ZNF512B: variants seen among roughly 807,000 people sequenced by gnomAD.
ZNF512B encodes the protein zinc finger protein 512B.
In ZNF512B, 22 loss-of-function variants were observed where a neutral mutation model predicts 87.8. That is an observed-to-expected ratio of 0.25 (90% CI 0.18 to 0.36). The LOEUF (loss-of-function observed/expected upper bound fraction) is 0.36. Ranked by LOEUF, ZNF512B falls within the 10% of genes least tolerant of loss-of-function variation. The pLI is 1.00. For synonymous variants in ZNF512B, 524 were observed against 490.9 expected, an observed-to-expected ratio of 1.07 and a Z score of -0.89; for missense variants, 1,060 against 1,231.6, an observed-to-expected ratio of 0.86 and a Z score of 2.09.
chr20:63,967,113 G>A (rs1449564221), intron 3 of ZNF512B, 109 bp from the exon 4 acceptor site: 2 of 1,513,478 alleles, frequency 1.3e-6, no homozygotes, highest in East Asian at 2.3e-5. Context: ...CACACCACAT[G>A]AGCCCCTCAA....
At position 63,959,880 on chromosome 20, in the gene ZNF512B, C is replaced by T; in HGVS notation, c.*8G>A. 6 of 1,567,148 alleles carry T rather than the reference C, an allele frequency of 3.8e-6. No homozygotes were observed. The highest frequency in any genetic ancestry group is 1.2e-5 in the South Asian group (1 of 85,054). ...GGCTGCATGGGGGCCAGGCCCCACGCACCATGCTCACTTTTCAGGCGCCTT... is the reference window on the plus strand; with the variant it reads ...GGCTGCATGGGGGCCAGGCCCCACGTACCATGCTCACTTTTCAGGCGCCTT... On this transcript the variant is annotated 3_prime_UTR_variant, in exon 17 of 17. Coordinates refer to ENST00000369888, the MANE Select transcript of ZNF512B (RefSeq NM_020713.3).
At chr20:63,969,185 C>G (rs2058955976) in intron 1 of ZNF512B, 1 of 985,448 alleles carries the variant, frequency 1.0e-6, no homozygotes, top group Non-Finnish European at 1.2e-6. Context: ...ACCTGATGAC[C>G]CCGGTGGCCT....
At chr20:63,969,132 G>A (rs1045795034) in intron 1 of ZNF512B, 3 of 985,388 alleles carry the variant, frequency 3.0e-6, no homozygotes, top group Admixed American at 1.2e-4. Context: ...TCCTCACTTT[G>A]CAACTTTTGA....
intron 5 of ZNF512B, among the ~76,000 whole-genome samples, chr20:63,965,827 A>G (rs1169072276): frequency 4.9e-5 from 1 of 20,354 alleles, no homozygotes; most frequent in Non-Finnish European, 1.0e-4. Flanking sequence ...ACGAGCCCCC[A>G]TACCTTTTCT....
In ZNF512B at chr20:63,962,556, G is replaced by A. The variant is rs377041477; in HGVS notation, c.2163+31C>T. 212 of 1,590,206 alleles carry A rather than the reference G, an allele frequency of 1.3e-4. No individual in the cohort carries two copies. In the African/African-American group the frequency reaches 1.4e-3, roughly 11 times the overall value. The stretch of plus-strand genomic sequence containing the variant: ...GCATGCCCCACGCAGAGGCCACGGC[G>A]CTGTCCACAGCCCTGGGGGGGGCAG... On this transcript the variant is annotated intron_variant, in intron 13 of 16. Transcript: ENST00000369888.
chr20:63,962,807 TAG>T (rs747839457), intron 12 of ZNF512B, 26 bp from the exon 13 acceptor site: 6 of 1,567,564 alleles, frequency 3.8e-6, no homozygotes, highest in Middle Eastern at 2.0e-4. Flanking sequence ...GCATGGAGGC[TAG>T]AGTGAGCCGC....
intron 2 of ZNF512B, 82 bp from the exon 3 acceptor site, chr20:63,967,605 C>T (rs892154773): frequency 9.8e-5 from 148 of 1,509,820 alleles, no homozygotes; most frequent in East Asian, 1.8e-4. Context: ...CAGTGAGCAC[C>T]GCTGTCCCAA....
At position 63,960,086 on chromosome 20, in the gene ZNF512B, T is replaced by C; in HGVS notation, c.2481A>G (p.Ser827=). Residue 827 remains serine (S), a synonymous_variant, in exon 17 of 17, where the codon TCA becomes TCG. Transcript: ENST00000369888. The stretch of plus-strand genomic sequence containing the variant: ...TCTTCTTTTCCTTCTTGGGCACCAA[T>C]GAGTCCTGGCTCCTGTGTTTGGGAG... The part of the protein sequence containing the change: ...DPPPKHRSQD[S]LVPKKEKKKN... The C allele has an allele frequency of 6.2e-7, 1 of 1,613,982 alleles. No homozygotes were observed.
intron 6 of ZNF512B, 36 bp from the exon 7 acceptor site, chr20:63,964,427 G>A (rs757384056): frequency 1.9e-6 from 3 of 1,613,732 alleles, no homozygotes; most frequent in East Asian, 2.2e-5. Context: ...CCAAGATTCT[G>A]GTGAAATAAC....
Position 63,964,618 on chromosome 20 carries a change from A to G in ZNF512B, c.1133T>C (p.Phe378Ser). 1 of 1,613,066 alleles carries G rather than the reference A, an allele frequency of 6.2e-7. No individual in the cohort carries two copies. Among genetic ancestry groups the G allele is most frequent in the Non-Finnish European group, 8.5e-7 (1 of 1,179,970 alleles). Residue 378 changes from phenylalanine to serine, a missense_variant, in exon 6 of 17, where the codon TTC becomes TCC. By Grantham distance (155) the Phe-to-Ser change is radical. Coordinates refer to ENST00000369888, the MANE Select transcript of ZNF512B (RefSeq NM_020713.3). Reference protein sequence around the residue: ...GPSSMGQSSAFQLSADTSSGS... With the variant: ...GPSSMGQSSASQLSADTSSGS... ...ACTGCTGGTGTCTGCACTCAGCTGG[A>G]AGGCCGAGCTCTGGCCCATGGAGGA...
Position 63,963,094 on chromosome 20 carries a change from C to T in ZNF512B, c.1968+1G>A, listed in dbSNP as rs1182328171. The T allele has an allele frequency of 6.4e-7, 1 of 1,552,762 alleles. No homozygotes were observed. On this transcript the variant is annotated splice_donor_variant, in intron 12 of 16. Coordinates refer to ENST00000369888, the MANE Select transcript of ZNF512B (RefSeq NM_020713.3). LOFTEE classifies it high-confidence loss of function. ...GTGCCACAGAACAGAGAGCCACTCA[C>T]GGGGGCCGTGTGCTCCGAGCGCACG...
In ZNF512B at chr20:63,962,670, G is replaced by T; in HGVS notation, c.2080C>A (p.Leu694Met). The change falls in exon 13 of 17, where the codon CTG becomes ATG. Residue 694 changes from leucine to methionine, a missense_variant. This residue lies in a region of ZNF512B where 14 missense variants were observed against 38.7 expected (regional missense o/e 0.36). Transcript: ENST00000369888. ...RTSAQVAVFH[L>M]QEIAEDELAR... ...AGCTCGTCCTCCGCTATCTCCTGCA[G>T]GTGGAACACCGCCACCTGGGCCGAC... is the stretch of plus-strand genomic sequence containing the variant. The T allele has an allele frequency of 6.2e-7, 1 of 1,606,184 alleles. No individual in the cohort carries two copies.
chr20:63,969,450 C>T lies in ZNF512B; in HGVS notation c.-3+364G>A, dbSNP rs535242741. On this transcript the variant is annotated intron_variant, in intron 1 of 16. Coordinates refer to ENST00000369888, the MANE Select transcript of ZNF512B (RefSeq NM_020713.3). ...GCGTAGGCCGTTCGGCCCGGGACCC[C>T]GGCCCAGGCCTGGCGCGCGGGTGAG... Among the ~76,000 whole-genome samples, 43 of 151,658 alleles carry T rather than the reference C, an allele frequency of 2.8e-4. 1 individual carries two copies. The highest frequency in any genetic ancestry group is 9.6e-4 in the African/African-American group (40 of 41,456).
At chr20:63,968,069 C>A in intron 1 of ZNF512B, 117 bp from the exon 2 acceptor site, 1 of 1,322,982 alleles carries the variant, frequency 7.6e-7, no homozygotes, top group Admixed American at 2.3e-5. Flanking sequence ...GAGGGGCCTG[C>A]CTTCCTGTGG....
At position 63,963,713 on chromosome 20, in the gene ZNF512B, G is replaced by A. The variant is rs2058884741; in HGVS notation, c.1606-3C>T. On this transcript the variant is annotated splice_polypyrimidine_tract_variant and splice_region_variant and intron_variant, in intron 9 of 16. Transcript: ENST00000369888. ...TGGCACTTGAGTGCATCCTGAAGCTGCAGATGGCCCACATGTGAGAAGCCT... is the reference window on the plus strand; with the variant it reads ...TGGCACTTGAGTGCATCCTGAAGCTACAGATGGCCCACATGTGAGAAGCCT... 3 of 1,613,300 alleles carry A rather than the reference G, an allele frequency of 1.9e-6. No homozygotes were observed. The highest frequency in any genetic ancestry group is 1.3e-5 in the African/African-American group (1 of 75,048).
At chr20:63,968,040 G>T (rs935466112) in intron 1 of ZNF512B, 88 bp from the exon 2 acceptor site, 3 of 1,490,448 alleles carry the variant, frequency 2.0e-6, no homozygotes, top group African/African-American at 1.4e-5. Flanking sequence ...CCCTTGGCAG[G>T]TCCTCTCTGG....
At chr20:63,968,546 C>A (rs942825692) in intron 1 of ZNF512B, among the ~76,000 whole-genome samples, 1 of 152,208 alleles carries the variant, frequency 6.6e-6, no homozygotes, top group African/African-American at 2.4e-5. Flanking sequence ...AATCTTCTCT[C>A]CAGACACAGA....
chr20:63,961,486 G>T lies in ZNF512B; in HGVS notation c.2329-79C>A. Reference sequence around the variant, plus strand: ...CTAAGCCCCTACTCATGGCTAAAGGGTCAGAGTCAGCGGTGGCCCAAGGAA... The same window carrying T: ...CTAAGCCCCTACTCATGGCTAAAGGTTCAGAGTCAGCGGTGGCCCAAGGAA... On this transcript the variant is annotated intron_variant, in intron 15 of 16. Transcript: ENST00000369888. This position sits in a 1 kb window ranked among gnomAD's most constrained non-coding sequence, Gnocchi z 6.4. 5 of 1,376,144 alleles carry T rather than the reference G, an allele frequency of 3.6e-6. No individual in the cohort carries two copies. In the South Asian group the frequency reaches 5.8e-5, roughly 16 times the overall value. 85.2% of individuals were successfully genotyped at this position (1,376,144 alleles called of 1,614,324 possible). A position where few individuals can be genotyped will look rare whatever the true frequency, so the allele number is the denominator to read the frequency against.
intron 6 of ZNF512B, 21 bp from the exon 7 acceptor site, chr20:63,964,412 G>A (rs367570489): frequency 5.9e-5 from 95 of 1,613,656 alleles, no homozygotes; most frequent in South Asian, 1.6e-4. Flanking sequence ...GAGAGAAAAC[G>A]GGGGCCAAGA....
Sources: allele counts gnomAD v4.1 joint callset (sites outside exome capture counted in the v4.1 genomes callset), GRCh38; gene constraint gnomAD v4.1.1; regional missense constraint gnomAD v4.1.1; non-coding constraint Gnocchi (gnomAD v3.1); transcripts MANE v1.5; gene names NCBI Gene and HGNC (gene_info 2026-07-23, HGNC 2026-07-21).